The following UNC5D variants were observed in gnomAD, a reference collection of about 807,000 sequenced individuals.
UNC5D encodes unc-5 netrin receptor D.
A neutral mutation model predicts 105.4 loss-of-function variants in UNC5D; 39 were observed. That is an observed-to-expected ratio of 0.37 (90% confidence interval 0.29 to 0.48). UNC5D has a LOEUF of 0.48. UNC5D is among the 20% of genes least tolerant of loss of function. UNC5D has a pLI of 0.98. For synonymous variants in UNC5D, 452 were observed against 450.4 expected (o/e 1.00, Z -0.04); for missense variants, 991 against 1,202.4 (o/e 0.82, Z 2.60).
intron 1 of UNC5D, among the ~76,000 whole-genome samples, chr8:35,249,369 C>T (rs931059260): frequency 2.0e-4 from 30 of 149,240 alleles, no homozygotes; most frequent in African/African-American, 7.1e-4. Flanking sequence ...ATCAGAGTGG[C>T]TAACATGGCG....
At chr8:35,553,228 A>G (rs745534212) in intron 2 of UNC5D, among the ~76,000 whole-genome samples, 1 of 152,184 alleles carries the variant, frequency 6.6e-6, no homozygotes, top group African/African-American at 2.4e-5. Flanking sequence ...ATTTCACTAC[A>G]TTCTGTTTTG....
intron 1 of UNC5D, among the ~76,000 whole-genome samples, chr8:35,496,448 C>G (rs77006313): frequency 8.2e-4 from 125 of 151,914 alleles, no homozygotes; most frequent in African/African-American, 2.8e-3. Context: ...ATCACAGTGG[C>G]CAGGGAAAAG....
intron 4 of UNC5D, among the ~76,000 whole-genome samples, chr8:35,671,161 A>G (rs190560598): frequency 3.0e-4 from 46 of 152,198 alleles, no homozygotes; most frequent in African/African-American, 1.1e-3. Flanking sequence ...TACAATGGAA[A>G]TGCGTTTTTG....
intron 1 of UNC5D, among the ~76,000 whole-genome samples, chr8:35,477,799 T>A (rs114917712): frequency 0.011 from 1,608 of 152,176 alleles, 35 homozygotes; most frequent in African/African-American, 0.037. Flanking sequence ...ATAAAAAAAA[T>A]ATGTAGAATG....
At chr8:35,410,121 T>C (rs1410183733) in intron 1 of UNC5D, among the ~76,000 whole-genome samples, 1 of 151,970 alleles carries the variant, frequency 6.6e-6, no homozygotes, top group Non-Finnish European at 1.5e-5. Flanking sequence ...TAATTGGAGA[T>C]TATTCTCTAA....
At chr8:35,381,590 G>C (rs959576678) in intron 1 of UNC5D, among the ~76,000 whole-genome samples, 10 of 152,170 alleles carry the variant, frequency 6.6e-5, no homozygotes, top group African/African-American at 2.4e-4. Flanking sequence ...TAATTCAAGA[G>C]AAGATGATCT....
At chr8:35,534,221 T>C (rs1814661407) in intron 1 of UNC5D, among the ~76,000 whole-genome samples, 1 of 152,334 alleles carries the variant, frequency 6.6e-6, no homozygotes, top group South Asian at 2.1e-4. Flanking sequence ...AGCATATATC[T>C]AGAGTTTTTT....
rs558680332 is a variant in UNC5D, at chr8:35,535,361, C to T, written c.104-13931C>T. ...ACAGTATGCATACCAGGCTTCACCT[C>T]AGTACAATTAAGCTGATTAGGTAGT... On this transcript the variant is annotated intron_variant, in intron 1 of 16. Transcript: ENST00000404895. Among the ~76,000 whole-genome samples, 9 of 152,014 alleles carry T rather than the reference C, an allele frequency of 5.9e-5. No homozygotes were observed. The South Asian group carries it at 1.7e-3, about 28-fold the overall frequency.
intron 1 of UNC5D, among the ~76,000 whole-genome samples, chr8:35,418,291 T>C (rs1805654099): frequency 6.6e-6 from 1 of 152,146 alleles, no homozygotes; most frequent in Admixed American, 6.5e-5. Context: ...CAGGGAGCAA[T>C]TGTTATCAGA....
At chr8:35,537,213 A>G (rs959639391) in intron 1 of UNC5D, among the ~76,000 whole-genome samples, 1 of 151,656 alleles carries the variant, frequency 6.6e-6, no homozygotes, top group African/African-American at 2.4e-5. Context: ...GAAAAATATG[A>G]TTTAATATTT....
intron 1 of UNC5D, among the ~76,000 whole-genome samples, chr8:35,331,631 C>T (rs1167149574): frequency 6.6e-6 from 1 of 152,158 alleles, no homozygotes; most frequent in African/African-American, 2.4e-5. Flanking sequence ...AGGGGGTGCT[C>T]TGACTCACAC....
chr8:35,271,368 C>T (rs7814188), intron 1 of UNC5D, among the ~76,000 whole-genome samples: 23,983 of 78,990 alleles, frequency 0.3, 3,767 homozygotes, highest in East Asian at 0.51. Context: ...CACACGTGCA[C>T]GTGTGTATGT....
rs57002738 is a variant in UNC5D at position 35,737,300 on chromosome 8, G to GTGTGTGTGTGTGTGTGTGTT, written c.1766+6205_1766+6206insGTGTGTGTGTGTGTGTGTTT. Among the ~76,000 whole-genome samples, 13 of 130,162 alleles carry GTGTGTGTGTGTGTGTGTGTT rather than the reference G, an allele frequency of 1.0e-4. 1 individual carries two copies. Among genetic ancestry groups the GTGTGTGTGTGTGTGTGTGTT allele is most frequent in the African/African-American group, 3.9e-4 (12 of 30,886 alleles). The allele number at this position is 130,162 out of a possible 152,430, so 85.4% of individuals were successfully genotyped here. A position where few individuals can be genotyped will look rare whatever the true frequency, so the allele number is the denominator to read the frequency against. On this transcript the variant is annotated intron_variant, in intron 11 of 16. Coordinates refer to ENST00000404895, the MANE Select transcript of UNC5D (RefSeq NM_080872.4). ...TGTGTGTGTGTGTGTGTGTGTGTGT[G>GTGTGTGTGTGTGTGTGTGTT]TTAATGTGTGATGAAGGAATTGAAG...
At chr8:35,699,751 C>T (rs1037705065) in intron 7 of UNC5D, among the ~76,000 whole-genome samples, 1 of 152,038 alleles carries the variant, frequency 6.6e-6, no homozygotes, top group Non-Finnish European at 1.5e-5. Flanking sequence ...AGTGAGAAAG[C>T]AAGAACTGAA....
intron 2 of UNC5D, among the ~76,000 whole-genome samples, chr8:35,552,758 G>T (rs974817304): frequency 1.3e-5 from 2 of 152,158 alleles, no homozygotes; most frequent in Non-Finnish European, 2.9e-5. Context: ...ACCCAGGAGA[G>T]ACCTAGATGG....
intron 4 of UNC5D, among the ~76,000 whole-genome samples, chr8:35,607,683 T>C (rs1820392585): frequency 6.6e-6 from 1 of 152,156 alleles, no homozygotes; most frequent in South Asian, 2.1e-4. Flanking sequence ...GGGGCTTTTT[T>C]CCTCTTTGAT....
chr8:35,734,335 CAAAAAA>C (rs10657691), intron 11 of UNC5D, among the ~76,000 whole-genome samples: 1 of 28,288 alleles, frequency 3.5e-5, no homozygotes, highest in Non-Finnish European at 8.1e-5. Context: ...TAATCACTGT[CAAAAAA>C]AAAAAAAAAA....
intron 1 of UNC5D, among the ~76,000 whole-genome samples, chr8:35,250,044 A>G (rs1387560057): frequency 6.6e-6 from 1 of 152,080 alleles, no homozygotes; most frequent in East Asian, 1.9e-4. Context: ...TGTTTTTTTA[A>G]GTTATTTAAA....
At chr8:35,351,218 CT>C (rs1017233769) in intron 1 of UNC5D, among the ~76,000 whole-genome samples, 41 of 152,002 alleles carry the variant, frequency 2.7e-4, no homozygotes, top group South Asian at 6.2e-4. Flanking sequence ...TTGAGACTCA[CT>C]TTTTTTTCCC....
Sources: gnomAD v4.1 joint callset for allele counts (sites outside exome capture counted in the v4.1 genomes callset) on GRCh38, gnomAD v4.1.1 for gene constraint, MANE v1.5 for transcripts, NCBI Gene and HGNC (gene_info 2026-07-23, HGNC 2026-07-21) for gene names.